Variants in DNAH11 observed in about 807,000 individuals in gnomAD.
DNAH11 encodes the protein dynein axonemal heavy chain 11.
A neutral mutation model predicts 526.0 loss-of-function variants in DNAH11; 442 were observed. The ratio of observed to expected loss-of-function variants is 0.84; its 90% CI spans 0.78 to 0.91. The LOEUF (loss-of-function observed/expected upper bound fraction) is 0.91. DNAH11 is among the 40% of genes least tolerant of loss of function. The pLI, the probability that DNAH11 is intolerant of heterozygous loss-of-function variation, is 0.00. For missense variants in DNAH11, 6,989 were observed against 5,448.7 expected, an observed-to-expected ratio of 1.28 and a Z score of -8.90; for synonymous variants, 2,461 against 1,935.9, an observed-to-expected ratio of 1.27 and a Z score of -7.12.
intron 20 of DNAH11, among the ~76,000 whole-genome samples, chr7:21,614,778 A>G (rs1305254682): frequency 1.3e-5 from 2 of 152,136 alleles, no homozygotes; most frequent in African/African-American, 4.8e-5. Context: ...CTAGAGCCCC[A>G]CCTTTTGTTC....
At chr7:21,743,817 C>T (rs1014502072) in intron 49 of DNAH11, among the ~76,000 whole-genome samples, 3 of 152,154 alleles carry the variant, frequency 2.0e-5, no homozygotes, top group Admixed American at 1.3e-4. Context: ...CTGACACTAC[C>T]AAATAATTTT....
At chr7:21,852,861 C>T (rs1052938265) in intron 67 of DNAH11, among the ~76,000 whole-genome samples, 10 of 152,102 alleles carry the variant, frequency 6.6e-5, no homozygotes, top group South Asian at 6.2e-4. Flanking sequence ...AGACACTGTC[C>T]GGCTATTATT....
chr7:21,723,654 A>G lies in DNAH11; in HGVS notation c.7267-2157A>G, dbSNP rs551601695. ...TGTTGCCTTTAAGATTACATTTCAAATTTTAATTCTATTTACAAGGCCTCT... is the reference window on the plus strand; with the variant it reads ...TGTTGCCTTTAAGATTACATTTCAAGTTTTAATTCTATTTACAAGGCCTCT... On this transcript the variant is annotated intron_variant, in intron 44 of 81. Coordinates refer to ENST00000409508, the MANE Select transcript of DNAH11 (RefSeq NM_001277115.2). Among the ~76,000 whole-genome samples, 14 of 152,260 alleles carry G rather than the reference A, an allele frequency of 9.2e-5. 1 individual carries two copies. In the South Asian group the frequency reaches 2.7e-3, roughly 29 times the overall value.
intron 32 of DNAH11, among the ~76,000 whole-genome samples, chr7:21,686,645 A>G (rs1273830209): frequency 6.7e-6 from 1 of 149,620 alleles, no homozygotes; most frequent in African/African-American, 2.4e-5. Context: ...CTATGTATTT[A>G]TAGAAATTAC....
At chr7:21,640,508 C>CTTTTTTTTTTTTTTTTTTT (rs144316063) in intron 28 of DNAH11, among the ~76,000 whole-genome samples, 1 of 149,214 alleles carries the variant, frequency 6.7e-6, no homozygotes, top group African/African-American at 2.6e-5. Flanking sequence ...GGTAAGCATT[C>CTTTTTTTTTTTTTTTTTTT]TTTTTCTTTT....
At chr7:21,768,269 A>G (rs577521368) in intron 55 of DNAH11, among the ~76,000 whole-genome samples, 1 of 152,346 alleles carries the variant, frequency 6.6e-6, no homozygotes, top group South Asian at 2.1e-4. Flanking sequence ...AGGCTGTGAG[A>G]AGCTCGTTGG....
intron 25 of DNAH11, among the ~76,000 whole-genome samples, chr7:21,625,460 A>G (rs1786284235): frequency 6.6e-6 from 1 of 152,002 alleles, no homozygotes; most frequent in South Asian, 2.1e-4. Flanking sequence ...CCAATTCTTC[A>G]TTCCATTGGT....
At chr7:21,841,116 G>A (rs748017775) in intron 65 of DNAH11, among the ~76,000 whole-genome samples, 46 of 152,236 alleles carry the variant, frequency 3.0e-4, no homozygotes, top group Middle Eastern at 3.4e-3. Flanking sequence ...CCCAGGAGGT[G>A]GAGGTTGCAG....
intron 73 of DNAH11, 128 bp downstream of exon 73, chr7:21,869,119 C>T: frequency 1.5e-6 from 2 of 1,346,910 alleles, no homozygotes; most frequent in South Asian, 2.7e-5. Context: ...GCAAGCAGTA[C>T]TGTCAGTGTT....
In DNAH11 at chr7:21,854,345, A is replaced by G. The variant is rs769882616; in HGVS notation, c.11092A>G (p.Ile3698Val). ...VIEAKENERK[I>V]NEARECYRPV... ...TGAAGCCAAAGAAAATGAAAGAAAA[A>G]TCAACGAGGCCCGAGAATGTTACAG... Residue 3698 changes from isoleucine (I) to valine (V), a missense_variant, in exon 68 of 82, where the codon ATC (isoleucine) becomes GTC (valine). Coordinates refer to ENST00000409508, the MANE Select transcript of DNAH11 (RefSeq NM_001277115.2). 1.2e-6 allele frequency: 2 copies of G among 1,613,668 alleles called. No individual in the cohort carries two copies. Among genetic ancestry groups the G allele is most frequent in the African/African-American group, 1.3e-5 (1 of 74,916 alleles).
intron 79 of DNAH11, among the ~76,000 whole-genome samples, chr7:21,896,601 G>C (rs577532706): frequency 6.6e-6 from 1 of 152,288 alleles, no homozygotes; most frequent in South Asian, 2.1e-4. Flanking sequence ...TTCTGAAAAA[G>C]TCTTAGCACT....
intron 61 of DNAH11, among the ~76,000 whole-genome samples, chr7:21,797,368 C>T (rs1348693225): frequency 2.0e-5 from 3 of 148,670 alleles, no homozygotes; most frequent in Admixed American, 6.6e-5. Context: ...TACAGGCCTG[C>T]GCCACCATGC....
At chr7:21,884,642 C>G (rs565091986) in intron 76 of DNAH11, among the ~76,000 whole-genome samples, 1 of 152,086 alleles carries the variant, frequency 6.6e-6, no homozygotes, top group African/African-American at 2.4e-5. Flanking sequence ...AGAGAGTGCA[C>G]CAGCGTGAGG....
At chr7:21,900,972 G>A in intron 81 of DNAH11, 35 bp from the exon 82 acceptor site, 1 of 1,534,120 alleles carries the variant, frequency 6.5e-7, no homozygotes, top group Non-Finnish European at 8.8e-7. Flanking sequence ...GTAGCAAGCT[G>A]CCACACAATT....
chr7:21,615,041 A>C, intron 20 of DNAH11, 73 bp from the exon 21 acceptor site: 2 of 1,419,862 alleles, frequency 1.4e-6, no homozygotes, highest in Non-Finnish European at 1.9e-6. Context: ...TGTCGAGATA[A>C]CCAGAGCTAC....
intron 66 of DNAH11, among the ~76,000 whole-genome samples, chr7:21,845,341 G>A (rs1390222194): frequency 6.6e-6 from 1 of 152,022 alleles, no homozygotes; most frequent in Non-Finnish European, 1.5e-5. Context: ...TGTAGTTTTG[G>A]TTCTTACATT....
chr7:21,617,582 T>A lies in DNAH11; in HGVS notation c.4096-37T>A, dbSNP rs754586233. The A allele has an allele frequency of 5.0e-6, 8 of 1,610,532 alleles. No individual in the cohort carries two copies. In the South Asian group the frequency reaches 7.7e-5, roughly 16 times the overall value. ...AATTATTAATATATACTGTGTTATA[T>A]CTTGGGAGCTAGGTTTTTTCCTCCA... On this transcript the variant is annotated intron_variant, in intron 22 of 81. Coordinates refer to ENST00000409508, the MANE Select transcript of DNAH11 (RefSeq NM_001277115.2).
intron 61 of DNAH11, among the ~76,000 whole-genome samples, chr7:21,793,186 T>TTG (rs1342988887): frequency 6.6e-6 from 1 of 152,234 alleles, no homozygotes; most frequent in Non-Finnish European, 1.5e-5. Context: ...AACTTTCCTC[T>TTG]TGTTTTTCAT....
chr7:21,557,544 C>A (rs1227885123), intron 2 of DNAH11, among the ~76,000 whole-genome samples: 1 of 152,130 alleles, frequency 6.6e-6, no homozygotes, highest in Non-Finnish European at 1.5e-5. Flanking sequence ...TATGGAGACA[C>A]TAATCCCATT....
Sources: gnomAD v4.1 joint callset for allele counts (sites outside exome capture counted in the v4.1 genomes callset) on GRCh38, gnomAD v4.1.1 for gene constraint, MANE v1.5 for transcripts, NCBI Gene and HGNC (gene_info 2026-07-23, HGNC 2026-07-21) for gene names.